Variants in TAFA1 observed in about 807,000 individuals in gnomAD.
TAFA1 encodes the protein TAFA chemokine like family member 1.
A neutral mutation model predicts 18.5 loss-of-function variants in TAFA1; 4 were observed. That is an observed-to-expected ratio of 0.22 (90% CI 0.11 to 0.49). The LOEUF (loss-of-function observed/expected upper bound fraction) is 0.49, where lower values mean the gene tolerates loss of function less well. Ranked by LOEUF, TAFA1 falls within the 20% of genes least tolerant of loss-of-function variation. The pLI is 0.98. For missense variants in TAFA1, 147 were observed against 169.0 expected (o/e 0.87, Z 0.72); for synonymous variants, 56 against 55.2 (o/e 1.01, Z -0.06).
intron 2 of TAFA1, among the ~76,000 whole-genome samples, chr3:68,331,868 T>TC (rs2068881066): frequency 7.4e-6 from 1 of 135,798 alleles, no homozygotes; most frequent in South Asian, 2.6e-4. Flanking sequence ...TTTTTTTTTT[T>TC]TTTTTTTTTT....
intron 2 of TAFA1, among the ~76,000 whole-genome samples, chr3:68,394,493 C>T (rs1345734528): frequency 6.6e-6 from 1 of 152,058 alleles, no homozygotes; most frequent in African/African-American, 2.4e-5. Context: ...CCCATACAAC[C>T]AAGGCAATCC....
At chr3:68,008,142 C>G (rs866413101) in intron 2 of TAFA1, among the ~76,000 whole-genome samples, 2 of 152,212 alleles carry the variant, frequency 1.3e-5, no homozygotes, top group African/African-American at 4.8e-5. Flanking sequence ...CGCTGGTGCC[C>G]CTGCAGGTGG....
chr3:68,057,722 A>G (rs1330596413), intron 2 of TAFA1, among the ~76,000 whole-genome samples: 1 of 152,180 alleles, frequency 6.6e-6, no homozygotes, highest in Non-Finnish European at 1.5e-5. Flanking sequence ...ATTCAATGTA[A>G]TTACAAGAAT....
rs538843428 is a variant in TAFA1, at chr3:68,342,667, G to A, written c.119-74613G>A. Among the ~76,000 whole-genome samples the A allele has an allele frequency of 1.4e-4, 22 of 152,182 alleles. No homozygotes were observed. The South Asian group carries it at 2.1e-3, about 14-fold the overall frequency. On this transcript the variant is annotated intron_variant, in intron 2 of 4. Transcript: ENST00000478136. The stretch of plus-strand genomic sequence containing the variant: ...GGAAAATTCCCAGAGTGCCTCTCTC[G>A]TCATTTCTCAGTTCTATGGAGAATA...
At chr3:68,457,246 C>T (rs2071682872) in intron 3 of TAFA1, among the ~76,000 whole-genome samples, 3 of 152,178 alleles carry the variant, frequency 2.0e-5, no homozygotes, top group Admixed American at 2.0e-4. Flanking sequence ...ATTCTCTCAA[C>T]TGTGAATGGC....
intron 2 of TAFA1, among the ~76,000 whole-genome samples, chr3:68,048,969 C>T (rs1257269868): frequency 6.6e-6 from 1 of 152,094 alleles, no homozygotes; most frequent in African/African-American, 2.4e-5. Flanking sequence ...TTCTTTGGGG[C>T]ATATACCTAG....
intron 2 of TAFA1, among the ~76,000 whole-genome samples, chr3:68,378,825 A>C (rs72628603): frequency 0.024 from 3,631 of 152,142 alleles, 65 homozygotes; most frequent in East Asian, 0.093. Flanking sequence ...AGCCTTTGAC[A>C]GTTCCTCTTT....
intron 2 of TAFA1, among the ~76,000 whole-genome samples, chr3:68,134,089 A>T (rs1219046293): frequency 8.8e-5 from 9 of 102,630 alleles, no homozygotes; most frequent in African/African-American, 2.7e-4. Context: ...AAAAACAATG[A>T]GAAAAAAAAA....
chr3:68,406,651 A>G (rs1405420089), intron 2 of TAFA1, among the ~76,000 whole-genome samples: 2 of 152,174 alleles, frequency 1.3e-5, no homozygotes, highest in Non-Finnish European at 2.9e-5. Flanking sequence ...CAAGCAAGCA[A>G]ATTTGAGGAC....
At chr3:68,131,859 T>C (rs753712815) in intron 2 of TAFA1, among the ~76,000 whole-genome samples, 8 of 138,588 alleles carry the variant, frequency 5.8e-5, no homozygotes, top group Non-Finnish European at 1.2e-4. Context: ...ATAGGAATGA[T>C]CATAGAAACT....
At chr3:68,438,183 C>T (rs1375765764) in intron 3 of TAFA1, among the ~76,000 whole-genome samples, 2 of 152,018 alleles carry the variant, frequency 1.3e-5, no homozygotes, top group African/African-American at 2.4e-5. Flanking sequence ...ACAGACAAAA[C>T]CCTGTCTCTA....
chr3:68,094,955 T>C (rs6800369), intron 2 of TAFA1, among the ~76,000 whole-genome samples: 1 of 152,028 alleles, frequency 6.6e-6, no homozygotes, highest in Non-Finnish European at 1.5e-5. Context: ...CAAGGAGTCA[T>C]CTTGTAGAAT....
At chr3:68,213,646 C>A (rs1024710885) in intron 2 of TAFA1, among the ~76,000 whole-genome samples, 10 of 151,972 alleles carry the variant, frequency 6.6e-5, no homozygotes, top group Non-Finnish European at 1.3e-4. Flanking sequence ...ATTCCACACC[C>A]AGCCAGGAAG....
chr3:68,269,641 G>T (rs1043121073), intron 2 of TAFA1, among the ~76,000 whole-genome samples: 2 of 152,012 alleles, frequency 1.3e-5, no homozygotes, highest in African/African-American at 2.4e-5. Flanking sequence ...ATAACTTTTG[G>T]CCAGGAGTGA....
At chr3:68,275,473 AT>A (rs2067776778) in intron 2 of TAFA1, among the ~76,000 whole-genome samples, 1 of 151,540 alleles carries the variant, frequency 6.6e-6, no homozygotes, top group Admixed American at 6.6e-5. Flanking sequence ...CAGACTTCAG[AT>A]CATCCAAGGC....
At chr3:68,030,982 G>T (rs1207951461) in intron 2 of TAFA1, among the ~76,000 whole-genome samples, 1 of 152,088 alleles carries the variant, frequency 6.6e-6, no homozygotes, top group Non-Finnish European at 1.5e-5. Context: ...TTACCAGAAA[G>T]AATTGTACCA....
At chr3:68,466,449 A>G (rs2071886385) in intron 3 of TAFA1, among the ~76,000 whole-genome samples, 1 of 152,168 alleles carries the variant, frequency 6.6e-6, no homozygotes, top group African/African-American at 2.4e-5. Flanking sequence ...CTCTTAAATT[A>G]TAGCAATACT....
chr3:68,194,359 C>T (rs913852595), intron 2 of TAFA1, among the ~76,000 whole-genome samples: 4 of 151,508 alleles, frequency 2.6e-5, no homozygotes, highest in Admixed American at 2.6e-4. Context: ...CATTGTTTTC[C>T]CCACGTAGAT....
intron 2 of TAFA1, among the ~76,000 whole-genome samples, chr3:68,386,628 G>GA (rs2070111222): frequency 6.6e-6 from 1 of 152,104 alleles, no homozygotes; most frequent in South Asian, 2.1e-4. Flanking sequence ...TCCCTGGAGA[G>GA]AACTGTTTGC....
Sources: gnomAD v4.1 joint callset for allele counts (sites outside exome capture counted in the v4.1 genomes callset) on GRCh38, gnomAD v4.1.1 for gene constraint, MANE v1.5 for transcripts, NCBI Gene and HGNC (gene_info 2026-07-23, HGNC 2026-07-21) for gene names.